EYS: variants seen among roughly 807,000 people sequenced by gnomAD.
EYS encodes EGF-like photoreceptor maintenance factor.
A neutral mutation model predicts 282.1 loss-of-function variants in EYS; 250 were observed. That is an observed-to-expected ratio of 0.89 (90% CI 0.80 to 0.98). EYS has a LOEUF of 0.98. EYS is among the 50% of genes least tolerant of loss of function. The pLI is 0.00. For missense variants in EYS, 4,016 were observed against 3,709.0 expected (o/e 1.08, Z -2.15); for synonymous variants, 1,355 against 1,282.9 (o/e 1.06, Z -1.20).
intron 13 of EYS, among the ~76,000 whole-genome samples, chr6:65,056,328 A>T (rs1773412518): frequency 6.6e-6 from 1 of 152,124 alleles, no homozygotes. Context: ...GATTTTTTAA[A>T]TTGAAGAATG....
intron 11 of EYS, among the ~76,000 whole-genome samples, chr6:65,314,916 C>T (rs1769259681): frequency 6.6e-6 from 1 of 152,000 alleles, no homozygotes; most frequent in East Asian, 1.9e-4. Flanking sequence ...GTAACTTTGA[C>T]TAATTTGATT....
chr6:65,533,452 G>A lies in EYS; in HGVS notation c.-332-37459C>T, dbSNP rs111834453. On this transcript the variant is annotated intron_variant, in intron 2 of 42. Coordinates refer to ENST00000503581, the MANE Select transcript of EYS (RefSeq NM_001142800.2). ...CCTTCTGAAACTACCCCAATCAATA[G>A]AAAAAGAGGGAATCCTTCTTAACCC... is the stretch of plus-strand genomic sequence containing the variant. Among the ~76,000 whole-genome samples the A allele has an allele frequency of 1.1e-3, 166 of 152,154 alleles. 2 individuals are homozygous for A. Among genetic ancestry groups the A allele is most frequent in the African/African-American group, 3.7e-3 (153 of 41,534 alleles).
chr6:64,578,623 T>A lies in EYS; in HGVS notation c.5644+11600A>T, dbSNP rs567306397. Among the ~76,000 whole-genome samples the A allele has an allele frequency of 2.0e-5, 3 of 149,564 alleles. No individual in the cohort carries two copies. The South Asian group carries it at 6.4e-4, about 32-fold the overall frequency. On this transcript the variant is annotated intron_variant, in intron 26 of 42. Transcript: ENST00000503581. Reference sequence around the variant, plus strand: ...TGTGTGTGTGTGTGTGTGTGTGTGGTGTGTGTGTGTGTTTTATGCTTAGTG... The same window carrying A: ...TGTGTGTGTGTGTGTGTGTGTGTGGAGTGTGTGTGTGTTTTATGCTTAGTG...
At chr6:65,651,075 T>G (rs780979492) in intron 1 of EYS, among the ~76,000 whole-genome samples, 13 of 147,930 alleles carry the variant, frequency 8.8e-5, no homozygotes, top group Non-Finnish European at 1.7e-4. Context: ...TTTATTAATA[T>G]AATAAAATGT....
At chr6:65,469,884 T>C (rs1765145330) in intron 5 of EYS, among the ~76,000 whole-genome samples, 3 of 152,172 alleles carry the variant, frequency 2.0e-5, no homozygotes, top group Admixed American at 2.0e-4. Flanking sequence ...AGCCTAAGTA[T>C]AGCAATTGCC....
At chr6:65,544,564 ACTT>A (rs1768313116) in intron 2 of EYS, among the ~76,000 whole-genome samples, 3 of 151,966 alleles carry the variant, frequency 2.0e-5, no homozygotes, top group Non-Finnish European at 4.4e-5. Context: ...GAATGTGTTC[ACTT>A]CCCCTTCCGC....
intron 41 of EYS, among the ~76,000 whole-genome samples, chr6:63,739,389 A>G (rs1037469460): frequency 2.6e-5 from 4 of 152,072 alleles, no homozygotes; most frequent in African/African-American, 7.2e-5. Flanking sequence ...GTCATTTCAC[A>G]TTGAAGCAAA....
chr6:65,444,424 CAT>C (rs1465088083), intron 5 of EYS, among the ~76,000 whole-genome samples: 2 of 151,934 alleles, frequency 1.3e-5, no homozygotes, highest in East Asian at 3.9e-4. Flanking sequence ...ATAAAAAGAA[CAT>C]AAACAAGTGG....
At chr6:64,301,866 C>T (rs2150372938) in intron 30 of EYS, among the ~76,000 whole-genome samples, 1 of 152,276 alleles carries the variant, frequency 6.6e-6, no homozygotes, top group African/African-American at 2.4e-5. Flanking sequence ...TAATTTCCTC[C>T]ATTGTTCTGG....
intron 39 of EYS, among the ~76,000 whole-genome samples, chr6:63,785,775 G>A (rs1052872571): frequency 3.3e-5 from 5 of 152,110 alleles, no homozygotes; most frequent in African/African-American, 7.2e-5. Flanking sequence ...TTGGGAGGCC[G>A]AGGCAGGCGG....
At position 64,590,324 on chromosome 6, in the gene EYS, T is replaced by A; in HGVS notation, c.5543A>T (p.Tyr1848Phe). Residue 1848 changes from tyrosine to phenylalanine, a missense_variant, in exon 26 of 43, where the codon TAT becomes TTT. Physicochemically the swap from Tyr to Phe is conservative, Grantham distance 22 (BLOSUM62 3). Transcript: ENST00000503581. The stretch of plus-strand genomic sequence containing the variant: ...CCGGCTTGCAGTGGGAAATTCCTGA[T>A]ATTGCACACTAGGCTGAAGTTCCCA... Reference protein sequence around the residue: ...SKWELQPSVQYQEFPTASRHL... With the variant: ...SKWELQPSVQFQEFPTASRHL... 1 of 1,551,218 alleles carries A rather than the reference T, an allele frequency of 6.4e-7. No homozygotes were observed. Among genetic ancestry groups the A allele is most frequent in the Non-Finnish European group, 8.7e-7 (1 of 1,146,628 alleles).
intron 33 of EYS, among the ~76,000 whole-genome samples, chr6:64,029,927 C>T (rs1769739227): frequency 6.6e-6 from 1 of 152,186 alleles, no homozygotes; most frequent in African/African-American, 2.4e-5. Context: ...CTGGGGGAGC[C>T]CCCATTAAAT....
intron 2 of EYS, among the ~76,000 whole-genome samples, chr6:65,529,098 C>T (rs1309793287): frequency 6.6e-6 from 1 of 151,802 alleles, no homozygotes; most frequent in Non-Finnish European, 1.5e-5. Context: ...GATATTATGA[C>T]TGATTAGGCT....
intron 35 of EYS, among the ~76,000 whole-genome samples, chr6:63,969,245 G>C (rs1219388253): frequency 6.6e-6 from 1 of 152,110 alleles, no homozygotes; most frequent in Non-Finnish European, 1.5e-5. Context: ...CTTTTGATGT[G>C]CTTGTAAAAC....
intron 29 of EYS, among the ~76,000 whole-genome samples, chr6:64,383,594 T>C (rs1219986430): frequency 6.6e-6 from 1 of 152,220 alleles, no homozygotes; most frequent in African/African-American, 2.4e-5. Context: ...TTGATGTCTC[T>C]ATTACTTTGC....
chr6:63,741,967 G>A (rs1162374589), intron 41 of EYS: 18 of 702,336 alleles, frequency 2.6e-5, no homozygotes, highest in Non-Finnish European at 4.4e-5. Context: ...ATCACAATGA[G>A]GATAAGTGCT....
chr6:65,486,043 A>C (rs1421424252), intron 5 of EYS, among the ~76,000 whole-genome samples: 1 of 152,204 alleles, frequency 6.6e-6, no homozygotes, highest in African/African-American at 2.4e-5. Flanking sequence ...TTTTAAATAC[A>C]CATTTTGTTA....
At chr6:64,257,661 C>T (rs769191778) in intron 30 of EYS, among the ~76,000 whole-genome samples, 1 of 151,894 alleles carries the variant, frequency 6.6e-6, no homozygotes, top group Non-Finnish European at 1.5e-5. Flanking sequence ...ATTATGTATA[C>T]TATGTCCTTT....
rs566659856 is a variant in EYS at position 65,285,631 on chromosome 6, C to A, written c.2023+10232G>T. Among the ~76,000 whole-genome samples the A allele has an allele frequency of 8.6e-5, 13 of 151,832 alleles. 1 individual carries two copies. The South Asian group carries it at 2.1e-3, about 24-fold the overall frequency. On this transcript the variant is annotated intron_variant, in intron 12 of 42. Transcript: ENST00000503581. ...GGAGGCTGTTTATATAATGTAGCTG[C>A]AAAATAACATTTTCAGATAAATTTT...
Sources: gnomAD v4.1 joint callset for allele counts (sites outside exome capture counted in the v4.1 genomes callset) on GRCh38, gnomAD v4.1.1 for gene constraint, MANE v1.5 for transcripts, NCBI Gene and HGNC (gene_info 2026-07-23, HGNC 2026-07-21) for gene names.